The following CDK14 variants were observed in gnomAD, a reference collection of about 807,000 sequenced individuals.
The protein encoded by CDK14 is cyclin-dependent kinase 14.
Under a neutral mutation model 60.7 loss-of-function variants are expected in CDK14, and 34 were observed. The ratio of observed to expected loss-of-function variants is 0.56; its 90% CI spans 0.43 to 0.75. The LOEUF (loss-of-function observed/expected upper bound fraction) is 0.75, where lower values mean the gene tolerates loss of function less well. Among genes scored for constraint, CDK14 ranks in the 30% least tolerant of loss-of-function variants. The probability of loss-of-function intolerance (pLI) is 0.00; values close to 1 mark genes in which losing one functional copy is unlikely to be tolerated. For missense variants in CDK14, 482 were observed against 564.1 expected, an observed-to-expected ratio of 0.85 and a Z score of 1.47; for synonymous variants, 197 against 203.7, an observed-to-expected ratio of 0.97 and a Z score of 0.28.
chr7:90,714,105 G>A (rs1265487540), intron 2 of CDK14, among the ~76,000 whole-genome samples: 5 of 152,014 alleles, frequency 3.3e-5, no homozygotes, highest in Non-Finnish European at 7.4e-5. Flanking sequence ...TAGAGCATAT[G>A]TAATTATTTC....
intron 2 of CDK14, among the ~76,000 whole-genome samples, chr7:90,652,546 A>G (rs892874862): frequency 6.6e-6 from 1 of 152,190 alleles, no homozygotes; most frequent in Admixed American, 6.5e-5. Context: ...CCTGCCTTGA[A>G]AGACTTTGCT....
At chr7:91,066,567 T>C (rs1161599818) in intron 11 of CDK14, among the ~76,000 whole-genome samples, 1 of 127,454 alleles carries the variant, frequency 7.8e-6, no homozygotes, top group Non-Finnish European at 1.8e-5. Flanking sequence ...TCTCCTGAAG[T>C]GTACACTGCA....
Position 90,942,198 on chromosome 7 carries a change from A to G in CDK14, c.827-13499A>G, listed in dbSNP as rs149336629. On this transcript the variant is annotated intron_variant, in intron 8 of 14. Transcript: ENST00000380050. ...CTAGGGCCGGATTCTCTGTTTCCCT[A>G]GTGATTACACCCTAGGCTTGCTACC... Among the ~76,000 whole-genome samples, 806 of 152,136 alleles carry G rather than the reference A, an allele frequency of 5.3e-3. 8 individuals are homozygous for G. The highest frequency in any genetic ancestry group is 0.018 in the African/African-American group (759 of 41,490).
chr7:91,074,948 T>G (rs1798252624), intron 11 of CDK14, among the ~76,000 whole-genome samples: 1 of 152,160 alleles, frequency 6.6e-6, no homozygotes, highest in Non-Finnish European at 1.5e-5. Flanking sequence ...CAGGAAGAAG[T>G]TGAATCTCTG....
At chr7:90,682,256 T>C (rs1056355419) in intron 2 of CDK14, among the ~76,000 whole-genome samples, 2 of 152,172 alleles carry the variant, frequency 1.3e-5, no homozygotes, top group African/African-American at 4.8e-5. Flanking sequence ...TGTATAAATA[T>C]CTAAAAAAAG....
At chr7:91,014,557 A>G (rs1291796597) in intron 10 of CDK14, among the ~76,000 whole-genome samples, 2 of 152,162 alleles carry the variant, frequency 1.3e-5, no homozygotes, top group Non-Finnish European at 2.9e-5. Context: ...TATTTTTATT[A>G]GAAGACTATG....
intron 2 of CDK14, among the ~76,000 whole-genome samples, chr7:90,624,003 TG>T (rs1799826025): frequency 6.6e-6 from 1 of 152,228 alleles, no homozygotes; most frequent in Non-Finnish European, 1.5e-5. Context: ...ATACATATTT[TG>T]TAGGGCTTCA....
intron 2 of CDK14, among the ~76,000 whole-genome samples, chr7:90,717,251 C>A (rs1802281994): frequency 6.6e-6 from 1 of 152,082 alleles, no homozygotes; most frequent in Non-Finnish European, 1.5e-5. Flanking sequence ...AACTGTATCT[C>A]ATCTGAAATG....
chr7:90,760,437 T>TGACA (rs1307644333), intron 4 of CDK14, among the ~76,000 whole-genome samples: 1 of 152,182 alleles, frequency 6.6e-6, no homozygotes, highest in Non-Finnish European at 1.5e-5. Flanking sequence ...TCTTAAGTGT[T>TGACA]GACACCTAGA....
Position 91,142,401 on chromosome 7 carries a change from CCTT to C in CDK14, c.*28+24196_*28+24198del, listed in dbSNP as rs1214755777. 2.6e-5 allele frequency among the ~76,000 whole-genome samples: 4 copies of C among 152,306 alleles called. No homozygotes were observed. The South Asian group carries it at 8.3e-4, about 32-fold the overall frequency. ...GAGAAGCAATTGCTATTTACCTTCA[CCTT>C]CTGTGTTGTTTAACTTTCAGTGGAG... On this transcript the variant is annotated intron_variant, in intron 14 of 14. Coordinates refer to ENST00000380050, the MANE Select transcript of CDK14 (RefSeq NM_001287135.2).
At chr7:91,093,853 A>G (rs1798902570) in intron 12 of CDK14, among the ~76,000 whole-genome samples, 1 of 152,204 alleles carries the variant, frequency 6.6e-6, no homozygotes, top group African/African-American at 2.4e-5. Flanking sequence ...CATAAAAAGA[A>G]TGAAATCACA....
At chr7:90,787,073 ACT>A (rs1370009717) in intron 4 of CDK14, among the ~76,000 whole-genome samples, 1 of 152,162 alleles carries the variant, frequency 6.6e-6, no homozygotes, top group Non-Finnish European at 1.5e-5. Context: ...GAACTGAGAG[ACT>A]CAGTAGTTGT....
intron 14 of CDK14, among the ~76,000 whole-genome samples, chr7:91,146,392 G>C (rs933019555): frequency 6.6e-5 from 10 of 152,104 alleles, no homozygotes; most frequent in Admixed American, 5.9e-4. Context: ...GTAGAGTCAG[G>C]GTTTTGCCAT....
At chr7:90,884,721 A>T (rs1028858570) in intron 6 of CDK14, among the ~76,000 whole-genome samples, 1 of 152,098 alleles carries the variant, frequency 6.6e-6, no homozygotes, top group African/African-American at 2.4e-5. Flanking sequence ...AGCATGGTAC[A>T]GGTACCAAAA....
At chr7:90,611,809 T>C (rs1051596342) in intron 2 of CDK14, among the ~76,000 whole-genome samples, 2 of 151,968 alleles carry the variant, frequency 1.3e-5, no homozygotes, top group African/African-American at 4.8e-5. Context: ...TTTTGACTCT[T>C]ATCAAACAGT....
At chr7:90,745,489 T>G (rs1803554796) in intron 3 of CDK14, among the ~76,000 whole-genome samples, 1 of 152,132 alleles carries the variant, frequency 6.6e-6, no homozygotes, top group Non-Finnish European at 1.5e-5. Context: ...CCATTGAGCT[T>G]ATTACTTTTT....
At chr7:91,147,162 T>TCTCA (rs1438870514) in intron 14 of CDK14, among the ~76,000 whole-genome samples, 34 of 124,746 alleles carry the variant, frequency 2.7e-4, no homozygotes, top group African/African-American at 9.3e-4. Context: ...TCTCTCTCTC[T>TCTCA]CACACACACA....
chr7:90,799,035 T>G (rs562446023), intron 5 of CDK14, among the ~76,000 whole-genome samples: 4 of 152,364 alleles, frequency 2.6e-5, no homozygotes, highest in Admixed American at 6.5e-5. Context: ...TCTTACTCTC[T>G]GATATTGTAT....
intron 9 of CDK14, among the ~76,000 whole-genome samples, chr7:90,983,524 A>C (rs1191771913): frequency 6.6e-6 from 1 of 151,908 alleles, no homozygotes. Flanking sequence ...CTAAAAATAC[A>C]AAAAAATTAG....
Sources: allele counts gnomAD v4.1 joint callset (sites outside exome capture counted in the v4.1 genomes callset), GRCh38; gene constraint gnomAD v4.1.1; transcripts MANE v1.5; gene names NCBI Gene and HGNC (gene_info 2026-07-23, HGNC 2026-07-21).